Variants in FANCC observed in about 807,000 individuals in gnomAD.
FANCC encodes FA complementation group C.
In FANCC, 55 loss-of-function variants were observed where a neutral mutation model predicts 71.3. The observed-to-expected ratio is 0.77, with a 90% CI of 0.62 to 0.97. The LOEUF (loss-of-function observed/expected upper bound fraction) is 0.97, where lower values mean the gene tolerates loss of function less well. Ranked by LOEUF, FANCC falls within the 50% of genes least tolerant of loss-of-function variation. The pLI is 0.00. For missense variants in FANCC, 678 were observed against 670.9 expected (o/e 1.01, Z -0.12); for synonymous variants, 275 against 244.9 (o/e 1.12, Z -1.15).
At chr9:95,292,031 AAAC>A (rs1425046601) in intron 1 of FANCC, among the ~76,000 whole-genome samples, 1 of 147,708 alleles carries the variant, frequency 6.8e-6, no homozygotes, top group African/African-American at 2.5e-5. Context: ...TGCGTCAAAA[AAAC>A]AAAGCTAGAG....
chr9:95,129,098 T>C (rs1373589628), intron 8 of FANCC, among the ~76,000 whole-genome samples: 1 of 152,062 alleles, frequency 6.6e-6, no homozygotes, highest in Non-Finnish European at 1.5e-5. Context: ...AGATGGGGTT[T>C]CACCGTGTTG....
At chr9:95,203,500 T>C (rs977496844) in intron 4 of FANCC, among the ~76,000 whole-genome samples, 4 of 151,392 alleles carry the variant, frequency 2.6e-5, no homozygotes, top group Non-Finnish European at 5.9e-5. Flanking sequence ...GAGAAGCCAA[T>C]GGAAGTTTGA....
intron 1 of FANCC, among the ~76,000 whole-genome samples, chr9:95,306,114 T>G (rs1466839628): frequency 6.6e-6 from 1 of 152,176 alleles, no homozygotes; most frequent in Admixed American, 6.5e-5. Context: ...ACCTACAAGT[T>G]TAGTCAGAAT....
At chr9:95,194,613 C>T (rs1243233587) in intron 4 of FANCC, among the ~76,000 whole-genome samples, 2 of 151,948 alleles carry the variant, frequency 1.3e-5, no homozygotes, top group Non-Finnish European at 2.9e-5. Flanking sequence ...TGTGAAATAT[C>T]TTGTCATGTG....
intron 1 of FANCC, chr9:95,292,866 T>C (rs1163009247): frequency 2.5e-6 from 4 of 1,585,720 alleles, no homozygotes; most frequent in Non-Finnish European, 2.6e-6. Flanking sequence ...CGGTACAGAA[T>C]GGGACCTGAA....
chr9:95,123,098 TTG>T (rs1326467170), intron 10 of FANCC, among the ~76,000 whole-genome samples: 1 of 152,070 alleles, frequency 6.6e-6, no homozygotes, highest in African/African-American at 2.4e-5. Flanking sequence ...ACCCAGCTGT[TTG>T]AGACCAGCCT....
intron 1 of FANCC, among the ~76,000 whole-genome samples, chr9:95,257,936 T>C (rs1831776173): frequency 6.6e-6 from 1 of 152,026 alleles, no homozygotes; most frequent in Non-Finnish European, 1.5e-5. Context: ...CTAGAAGAAA[T>C]GGATAAATTC....
At chr9:95,209,890 G>A (rs4647463) in intron 4 of FANCC, among the ~76,000 whole-genome samples, 6 of 152,222 alleles carry the variant, frequency 3.9e-5, no homozygotes, top group South Asian at 4.1e-4. Flanking sequence ...TGAAATATCT[G>A]CATCCAGACA....
At chr9:95,158,361 G>C (rs1437190631) in intron 6 of FANCC, among the ~76,000 whole-genome samples, 1 of 152,056 alleles carries the variant, frequency 6.6e-6, no homozygotes, top group Non-Finnish European at 1.5e-5. Flanking sequence ...AAACCATCTT[G>C]GTGGTAAGAG....
At chr9:95,110,799 C>T (rs142285533) in intron 13 of FANCC, 1 of 1,122,608 alleles carries the variant, frequency 8.9e-7, no homozygotes, top group African/African-American at 1.6e-5. Context: ...AAGGGAGGTG[C>T]CAATGCCTTT....
At chr9:95,265,375 G>C (rs992319063) in intron 1 of FANCC, among the ~76,000 whole-genome samples, 1 of 152,116 alleles carries the variant, frequency 6.6e-6, no homozygotes, top group Non-Finnish European at 1.5e-5. Context: ...CCTCAGCAAT[G>C]GGGGGAGAGG....
Position 95,154,773 on chromosome 9 carries a change from T to C in FANCC, c.522-4686A>G, listed in dbSNP as rs117128968. ...CTTCAGCTCTAATTGAAACTTTTTC[T>C]TAAAAATATCAAATATAAATAAAAT... On this transcript the variant is annotated intron_variant, in intron 6 of 14. Coordinates refer to ENST00000289081, the MANE Select transcript of FANCC (RefSeq NM_000136.3). Among the ~76,000 whole-genome samples, 130 of 152,286 alleles carry C rather than the reference T, an allele frequency of 8.5e-4. No individual in the cohort carries two copies. The East Asian group carries it at 9.4e-3, about 11-fold the overall frequency.
intron 4 of FANCC, among the ~76,000 whole-genome samples, chr9:95,223,745 G>A (rs187385775): frequency 6.4e-4 from 98 of 152,302 alleles, no homozygotes; most frequent in African/African-American, 2.3e-3. Flanking sequence ...GGGAGGCCAA[G>A]GCGGGTGGAT....
chr9:95,119,080 T>C (rs1405686177), intron 10 of FANCC, among the ~76,000 whole-genome samples: 5 of 152,224 alleles, frequency 3.3e-5, no homozygotes, highest in African/African-American at 1.2e-4. Context: ...TCCATTCTAG[T>C]GGCTGGGAAC....
Position 95,171,155 on chromosome 9 carries a change from A to T in FANCC, c.457-12T>A, listed in dbSNP as rs188659251. On this transcript the variant is annotated splice_polypyrimidine_tract_variant and intron_variant, in intron 5 of 14. Coordinates refer to ENST00000289081, the MANE Select transcript of FANCC (RefSeq NM_000136.3). ...AATGATAAAACCATCTGTAAAACAA[A>T]ATCAGTTGCAGGTTAACTCACGCTG... 189 of 1,608,206 alleles carry T rather than the reference A, an allele frequency of 1.2e-4. No homozygotes were observed. Among genetic ancestry groups the T allele is most frequent in the Non-Finnish European group, 1.5e-4 (181 of 1,174,992 alleles).
chr9:95,233,612 G>C (rs1830135045), intron 4 of FANCC, among the ~76,000 whole-genome samples: 1 of 152,134 alleles, frequency 6.6e-6, no homozygotes, highest in Non-Finnish European at 1.5e-5. Flanking sequence ...TGGCCTTCAT[G>C]ATATGTGGAT....
intron 14 of FANCC, among the ~76,000 whole-genome samples, chr9:95,102,791 C>T (rs1309676412): frequency 1.3e-5 from 2 of 152,224 alleles, no homozygotes; most frequent in Admixed American, 1.3e-4. Context: ...TTGTCGCATG[C>T]GCACTGTGTG....
chr9:95,181,135 C>A (rs758093368), intron 4 of FANCC, among the ~76,000 whole-genome samples: 12 of 143,002 alleles, frequency 8.4e-5, no homozygotes, highest in Non-Finnish European at 1.5e-4. Flanking sequence ...TATATATACA[C>A]ATACACACAC....
At chr9:95,144,049 A>C (rs1304679724) in intron 7 of FANCC, among the ~76,000 whole-genome samples, 1 of 152,186 alleles carries the variant, frequency 6.6e-6, no homozygotes, top group East Asian at 1.9e-4. Context: ...GTGGTAAGCA[A>C]ATAGTTGGAA....
Sources: gnomAD v4.1 joint callset for allele counts (sites outside exome capture counted in the v4.1 genomes callset) on GRCh38, gnomAD v4.1.1 for gene constraint, MANE v1.5 for transcripts, NCBI Gene and HGNC (gene_info 2026-07-23, HGNC 2026-07-21) for gene names.